TMEM178A: variants seen among roughly 807,000 people sequenced by gnomAD.
The protein encoded by TMEM178A is transmembrane protein 178.
A neutral mutation model predicts 29.1 loss-of-function variants in TMEM178A; 12 were observed. The observed-to-expected ratio is 0.41, with a 90% CI of 0.26 to 0.67. TMEM178A has a LOEUF of 0.67. TMEM178A is among the 30% of genes least tolerant of loss of function. The pLI, the probability that TMEM178A is intolerant of heterozygous loss-of-function variation, is 0.29. For synonymous variants in TMEM178A, 210 were observed against 187.2 expected, an observed-to-expected ratio of 1.12 and a Z score of -0.99; for missense variants, 366 against 419.1, an observed-to-expected ratio of 0.87 and a Z score of 1.11.
the TMEM178A span, among the ~76,000 whole-genome samples, chr2:39,724,606 T>G: frequency 5.3e-5 from 8 of 152,172 alleles, no homozygotes; most frequent in Non-Finnish European, 1.2e-4. Flanking sequence ...GTACAGTACT[T>G]CATTTCGTAT....
At position 39,700,743 on chromosome 2, in the gene TMEM178A, A is replaced by T. The variant is rs72934285; in HGVS notation, c.401-3338A>T. On this transcript the variant is annotated intron_variant, in intron 1 of 3. Coordinates refer to ENST00000281961, the MANE Select transcript of TMEM178A (RefSeq NM_152390.3). ...ATGCCATATGCATTTTTGTTCCTCT[A>T]TTTCTTCATTAATGTTTTCTTTTGT... Among the ~76,000 whole-genome samples, 16 of 150,288 alleles carry T rather than the reference A, an allele frequency of 1.1e-4. No homozygotes were observed. In the South Asian group the frequency reaches 2.8e-3, roughly 26 times the overall value.
At chr2:39,709,428 G>A (rs1291234291) in intron 3 of TMEM178A, among the ~76,000 whole-genome samples, 2 of 152,206 alleles carry the variant, frequency 1.3e-5, no homozygotes, top group South Asian at 2.1e-4. Context: ...ATACACAGTG[G>A]CCACCAGGAC....
intron 1 of TMEM178A, among the ~76,000 whole-genome samples, chr2:39,690,152 C>T (rs955941253): frequency 6.6e-6 from 1 of 152,180 alleles, no homozygotes; most frequent in Non-Finnish European, 1.5e-5. Flanking sequence ...CTCACAAAAA[C>T]CATTGCGTAG....
intron 1 of TMEM178A, among the ~76,000 whole-genome samples, chr2:39,677,794 C>T (rs976524720): frequency 2.0e-5 from 3 of 151,912 alleles, no homozygotes; most frequent in African/African-American, 7.3e-5. Flanking sequence ...CTTGATACTT[C>T]CTCAGAGCAG....
chr2:39,734,853 T>C, the TMEM178A span, among the ~76,000 whole-genome samples: 4,772 of 152,272 alleles, frequency 0.031, 101 homozygotes, highest in South Asian at 0.041. Flanking sequence ...CCATTTATCA[T>C]ACCTCACATC....
intron 3 of TMEM178A, among the ~76,000 whole-genome samples, 167 bp from the exon 4 acceptor site, chr2:39,716,843 C>T (rs1672560627): frequency 6.6e-6 from 1 of 151,810 alleles, no homozygotes; most frequent in African/African-American, 2.4e-5. Flanking sequence ...GAAGTTTTGC[C>T]AATGTTTGTT....
chr2:39,709,664 C>T lies in TMEM178A; in HGVS notation c.652+2478C>T, dbSNP rs558223928. 6.0e-4 allele frequency among the ~76,000 whole-genome samples: 91 copies of T among 152,280 alleles called. 1 individual carries two copies. Among genetic ancestry groups the T allele is most frequent in the African/African-American group, 2.1e-3 (86 of 41,568 alleles). ...ATTTAAAAATCTCCCCCGTTTTCTT[C>T]TCTCCCTTTATTTAAGCCCCCATTT... is the stretch of plus-strand genomic sequence containing the variant. On this transcript the variant is annotated intron_variant, in intron 3 of 3. Transcript: ENST00000281961.
At position 39,717,127 on chromosome 2, in the gene TMEM178A, C is replaced by G. The variant is rs1012193253; in HGVS notation, c.770C>G (p.Ser257Cys). 1 of 1,612,508 alleles carries G rather than the reference C, an allele frequency of 6.2e-7. No homozygotes were observed. The highest frequency in any genetic ancestry group is 8.5e-7 in the Non-Finnish European group (1 of 1,179,808). The change falls in exon 4 of 4, where the codon TCC becomes TGC. Residue 257 changes from serine to cysteine, a missense_variant. By Grantham distance (112) the Ser-to-Cys change is moderately radical. Around this residue, in one of 2 missense-constraint regions of TMEM178A, gnomAD observed 119 missense variants for 172.2 expected, o/e 0.69. Transcript: ENST00000281961. ...PADVEHGYSW[S>C]IFCAWCSLGF... is the part of the protein sequence containing the mutation. The stretch of plus-strand genomic sequence containing the variant: ...GATGTGGAACATGGTTACAGCTGGT[C>G]CATCTTTTGCGCCTGGTGCAGTTTA...
chr2:39,719,624 G>A (rs1364087310), downstream of TMEM178A, among the ~76,000 whole-genome samples: 1 of 152,202 alleles, frequency 6.6e-6, no homozygotes, highest in Non-Finnish European at 1.5e-5. Context: ...TTTCTTAACT[G>A]GCTTGTGAAT....
In TMEM178A at chr2:39,666,658, C is replaced by T. The variant is rs374688547; in HGVS notation, c.400+284C>T. On this transcript the variant is annotated intron_variant, in intron 1 of 3. Transcript: ENST00000281961. ...CTGTCTCCTTCTTTCCTGCCTTCGC[C>T]TCCCATTCCCCGGTTCTCTCTCTCT... 2.4e-3 allele frequency among the ~76,000 whole-genome samples: 360 copies of T among 152,308 alleles called. 4 individuals carry two copies. Among genetic ancestry groups the T allele is most frequent in the African/African-American group, 8.2e-3 (339 of 41,574 alleles).
In TMEM178A at chr2:39,673,197, T is replaced by C. The variant is rs186805495; in HGVS notation, c.400+6823T>C. Among the ~76,000 whole-genome samples, 431 of 152,330 alleles carry C rather than the reference T, an allele frequency of 2.8e-3. 4 individuals carry two copies. Among genetic ancestry groups the C allele is most frequent in the African/African-American group, 9.7e-3 (402 of 41,584 alleles). On this transcript the variant is annotated intron_variant, in intron 1 of 3. Transcript: ENST00000281961. ...AGCATGAGAGAGTCCGCCTTGGCCG[T>C]CGTCATGAAGCTGACAGCCTTTGTT...
chr2:39,668,180 A>T lies in TMEM178A; in HGVS notation c.400+1806A>T, dbSNP rs1171621514. Among the ~76,000 whole-genome samples, 4 of 152,218 alleles carry T rather than the reference A, an allele frequency of 2.6e-5. No individual in the cohort carries two copies. In the East Asian group the frequency reaches 7.7e-4, roughly 29 times the overall value. ...TTCCAGGGCAGTCCAGGGTCAAATAATAGAGGTGGAAGGACTTTAGAGGTC... is the reference window on the plus strand; with the variant it reads ...TTCCAGGGCAGTCCAGGGTCAAATATTAGAGGTGGAAGGACTTTAGAGGTC... On this transcript the variant is annotated intron_variant, in intron 1 of 3. Coordinates refer to ENST00000281961, the MANE Select transcript of TMEM178A (RefSeq NM_152390.3).
chr2:39,678,693 CA>C lies in TMEM178A; in HGVS notation c.400+12326del, dbSNP rs1195651094. ...TCGTACACTTTAGTTAAGATGTAAA[CA>C]AAAAAACCCCAAATCTCTGATAATT... is the stretch of plus-strand genomic sequence containing the variant. On this transcript the variant is annotated intron_variant, in intron 1 of 3. Transcript: ENST00000281961. Among the ~76,000 whole-genome samples the C allele has an allele frequency of 6.6e-5, 10 of 152,194 alleles. No homozygotes were observed. In the South Asian group the frequency reaches 1.7e-3, roughly 25 times the overall value.
intron 3 of TMEM178A, among the ~76,000 whole-genome samples, chr2:39,714,286 C>T (rs1426729358): frequency 2.6e-5 from 4 of 151,902 alleles, no homozygotes; most frequent in Non-Finnish European, 5.9e-5. Flanking sequence ...CCACCACGCT[C>T]AGCTGAATGA....
intron 1 of TMEM178A, among the ~76,000 whole-genome samples, chr2:39,683,710 C>T (rs1295882631): frequency 1.3e-5 from 2 of 152,332 alleles, no homozygotes; most frequent in East Asian, 1.9e-4. Flanking sequence ...ATGCCACAAT[C>T]GTGTACCACT....
chr2:39,727,641 T>C, the TMEM178A span, among the ~76,000 whole-genome samples: 1 of 152,178 alleles, frequency 6.6e-6, no homozygotes, highest in East Asian at 1.9e-4. Context: ...TAGGTATACA[T>C]GTGCCATGTT....
chr2:39,701,567 G>A (rs1230721940), intron 1 of TMEM178A, among the ~76,000 whole-genome samples: 1 of 152,016 alleles, frequency 6.6e-6, no homozygotes, highest in East Asian at 1.9e-4. Context: ...GAACTTCTTA[G>A]GAATGCAAGT....
At chr2:39,721,082 C>T (rs529495873), downstream of TMEM178A, among the ~76,000 whole-genome samples, 5 of 152,346 alleles carry the variant, frequency 3.3e-5, no homozygotes, top group African/African-American at 7.2e-5. Flanking sequence ...GAAATGACTT[C>T]CTTTGAATGC....
rs186013556 is a variant in TMEM178A, at chr2:39,706,154, A to G, written c.515-895A>G. On this transcript the variant is annotated intron_variant, in intron 2 of 3. Transcript: ENST00000281961. Reference sequence around the variant, plus strand: ...GTGTCCAGGTACACGTAGTCAGCCTACCTCTTGGTTTTGTCAGGCATGTGG... The same window carrying G: ...GTGTCCAGGTACACGTAGTCAGCCTGCCTCTTGGTTTTGTCAGGCATGTGG... 3.8e-3 allele frequency among the ~76,000 whole-genome samples: 572 copies of G among 152,248 alleles called. 3 individuals are homozygous for G. Among genetic ancestry groups the G allele is most frequent in the African/African-American group, 0.013 (521 of 41,540 alleles).
Sources: allele counts gnomAD v4.1 joint callset (sites outside exome capture counted in the v4.1 genomes callset), GRCh38; gene constraint gnomAD v4.1.1; regional missense constraint gnomAD v4.1.1; transcripts MANE v1.5; gene names NCBI Gene and HGNC (gene_info 2026-07-23, HGNC 2026-07-21).